Variants in SLC30A5 observed in about 807,000 individuals in gnomAD.
SLC30A5 encodes the protein proton-coupled zinc antiporter SLC30A5.
SLC30A5 carries 33 observed loss-of-function variants against 79.6 expected under a neutral mutation model. The observed-to-expected ratio is 0.41, with a 90% CI of 0.31 to 0.55. The LOEUF is 0.55. Among genes scored for constraint, SLC30A5 ranks in the 20% least tolerant of loss-of-function variants. SLC30A5 has a pLI of 0.20. For missense variants in SLC30A5, 788 were observed against 928.1 expected (o/e 0.85, Z 1.96); for synonymous variants, 299 against 319.7 (o/e 0.94, Z 0.69).
At chr5:69,125,206 A>G (rs1457467575) in intron 14 of SLC30A5, among the ~76,000 whole-genome samples, 1 of 151,854 alleles carries the variant, frequency 6.6e-6, no homozygotes, top group African/African-American at 2.4e-5. Context: ...CCTGGCCAAC[A>G]TGGTGAAAGT....
chr5:69,113,098 C>A (rs778444985), intron 5 of SLC30A5, 42 bp from the exon 6 acceptor site: 5 of 1,515,774 alleles, frequency 3.3e-6, no homozygotes, highest in East Asian at 4.5e-5. Context: ...AAAAATCAAC[C>A]CTTGAAAAAG....
rs752753197 is a variant in SLC30A5, at chr5:69,108,425, G to A, written c.436G>A (p.Gly146Arg). The stretch of plus-strand genomic sequence containing the variant: ...TGTTTTGTTCACCAGTTCTGGAGGA[G>A]GACCAGCAAAGGTAGAATTTTCCAT... Reference protein sequence around the residue: ...LSVLFTSSGGGPAKTRGAAFF... With the variant: ...LSVLFTSSGGRPAKTRGAAFF... Residue 146 changes from glycine (G) to arginine (R), a missense_variant, in exon 5 of 16, where the codon GGA (glycine) becomes AGA (arginine). Gly to Arg is a moderately radical substitution (Grantham distance 125). Coordinates refer to ENST00000396591, the MANE Select transcript of SLC30A5 (RefSeq NM_022902.5). 6 of 1,612,164 alleles carry A rather than the reference G, an allele frequency of 3.7e-6. No homozygotes were observed. The Admixed American group carries it at 8.3e-5, about 22-fold the overall frequency.
intron 1 of SLC30A5, among the ~76,000 whole-genome samples, chr5:69,097,987 G>A (rs145134528): frequency 2.0e-5 from 3 of 152,226 alleles, no homozygotes; most frequent in African/African-American, 7.2e-5. Context: ...ACGTGGAGAC[G>A]GGAGAGGAGA....
chr5:69,096,222 C>G (rs950882836), intron 1 of SLC30A5, among the ~76,000 whole-genome samples: 4 of 152,198 alleles, frequency 2.6e-5, no homozygotes, highest in African/African-American at 4.8e-5. Flanking sequence ...AAAAATACCT[C>G]TGTGTGTGCA....
At chr5:69,125,870 C>CAAAAAAGAAAAAAAAAAAAAA (rs1746670746) in intron 14 of SLC30A5, among the ~76,000 whole-genome samples, 1 of 54,232 alleles carries the variant, frequency 1.8e-5, no homozygotes, top group Non-Finnish European at 3.1e-5. Context: ...GACTCCGTCT[C>CAAAAAAGAAAAAAAAAAAAAA]AAAAAAAAAA....
In SLC30A5 at chr5:69,125,662, C is replaced by T. The variant is rs544833908; in HGVS notation, c.1998+2237C>T. ...CATCCTGGCTAACATGGTGAAACCC[C>T]GTCTCTACTAAAAAAAAATACAAAA... On this transcript the variant is annotated intron_variant, in intron 14 of 15. Coordinates refer to ENST00000396591, the MANE Select transcript of SLC30A5 (RefSeq NM_022902.5). 4.6e-5 allele frequency among the ~76,000 whole-genome samples: 7 copies of T among 151,532 alleles called. No homozygotes were observed. The South Asian group carries it at 8.3e-4, about 18-fold the overall frequency.
chr5:69,128,250 C>CTTTTTTTTTTTTTTTTTTTT (rs71612509), intron 15 of SLC30A5, 118 bp downstream of exon 15: 1 of 267,816 alleles, frequency 3.7e-6, no homozygotes, highest in Non-Finnish European at 6.3e-6. Context: ...TCTTCCAACT[C>CTTTTTTTTTTTTTTTTTTTT]TTTTTTTTTT....
chr5:69,103,909 TA>T, intron 3 of SLC30A5: 1 of 1,330,848 alleles, frequency 7.5e-7, no homozygotes. Flanking sequence ...GAACATTTTT[TA>T]AAATATGATT....
intron 12 of SLC30A5, among the ~76,000 whole-genome samples, chr5:69,121,078 A>G (rs1746521943): frequency 6.6e-6 from 1 of 152,192 alleles, no homozygotes; most frequent in Admixed American, 6.5e-5. Context: ...AGGTGAGAAG[A>G]TCGCTTGAGC....
intron 4 of SLC30A5, among the ~76,000 whole-genome samples, chr5:69,107,734 C>CTTT (rs377505223): frequency 2.2e-5 from 3 of 137,024 alleles, no homozygotes; most frequent in African/African-American, 5.4e-5. Context: ...GTTGCCTGTA[C>CTTT]TTTTTTTTTT....
intron 14 of SLC30A5, among the ~76,000 whole-genome samples, chr5:69,125,144 C>T (rs1330033118): frequency 1.3e-5 from 2 of 152,058 alleles, no homozygotes; most frequent in African/African-American, 4.8e-5. Flanking sequence ...TAATCCAGCA[C>T]TTTGGGAGGC....
At chr5:69,105,946 T>TC (rs1746070041) in intron 4 of SLC30A5, among the ~76,000 whole-genome samples, 1 of 151,728 alleles carries the variant, frequency 6.6e-6, no homozygotes, top group Non-Finnish European at 1.5e-5. Context: ...TCCTAAAACA[T>TC]CCCCCCACCA....
chr5:69,116,430 A>C lies in SLC30A5; in HGVS notation c.1109A>C (p.Gln370Pro). ...NILSSPSKRG[Q>P]KGTLIGYSPE... The stretch of plus-strand genomic sequence containing the variant: ...TTATCATCTCCCTCTAAGAGAGGAC[A>C]AAAAGGTACCCTTATTGGATATTCT... Residue 370 changes from glutamine (Q) to proline (P), a missense_variant, in exon 10 of 16, where the codon CAA becomes CCA. Physicochemically the swap from Gln to Pro is moderately conservative, Grantham distance 76. Transcript: ENST00000396591. This position sits in a 1 kb window ranked among gnomAD's most constrained non-coding sequence, Gnocchi z 4.0. 1 of 1,607,730 alleles carries C rather than the reference A, an allele frequency of 6.2e-7. No homozygotes were observed. Among genetic ancestry groups the C allele is most frequent in the Non-Finnish European group, 8.5e-7 (1 of 1,178,096 alleles).
intron 5 of SLC30A5, among the ~76,000 whole-genome samples, chr5:69,110,898 A>G (rs1746211656): frequency 6.6e-6 from 1 of 152,248 alleles, no homozygotes; most frequent in South Asian, 2.1e-4. Context: ...AAACATTTAA[A>G]AAAAAAGTTT....
intron 6 of SLC30A5, among the ~76,000 whole-genome samples, chr5:69,113,747 A>G (rs1426794036): frequency 2.0e-5 from 3 of 151,790 alleles, no homozygotes; most frequent in South Asian, 2.1e-4. Flanking sequence ...CTTTTTTTCT[A>G]TTTTCTATTC....
Position 69,104,692 on chromosome 5 carries a change from G to C in SLC30A5, c.335G>C (p.Gly112Ala). ...GCIISLLWFF[G>A]LTLCGPLRTL... ...ATTATTTCACTCTTGTGGTTTTTTGGCCTCACTCTTTGTGGACCACTAAGG... is the reference window on the plus strand; with the variant it reads ...ATTATTTCACTCTTGTGGTTTTTTGCCCTCACTCTTTGTGGACCACTAAGG... Residue 112 changes from glycine to alanine, a missense_variant, in exon 4 of 16, where the codon GGC becomes GCC. Coordinates refer to ENST00000396591, the MANE Select transcript of SLC30A5 (RefSeq NM_022902.5). 6.3e-7 allele frequency: 1 copy of C among 1,590,248 alleles called. No individual in the cohort carries two copies. The highest frequency in any genetic ancestry group is 8.5e-7 in the Non-Finnish European group (1 of 1,171,326).
chr5:69,124,997 C>A (rs899865281), intron 14 of SLC30A5, among the ~76,000 whole-genome samples: 3 of 152,284 alleles, frequency 2.0e-5, no homozygotes, highest in African/African-American at 7.2e-5. Flanking sequence ...TGGAAGATTT[C>A]ATTAACAAGT....
chr5:69,097,573 TCC>T (rs753824861), intron 1 of SLC30A5, among the ~76,000 whole-genome samples: 2 of 152,190 alleles, frequency 1.3e-5, no homozygotes, highest in Non-Finnish European at 2.9e-5. Context: ...GCTTAAGCAA[TCC>T]TTCCACCTCA....
At chr5:69,107,723 T>C (rs1423328695) in intron 4 of SLC30A5, among the ~76,000 whole-genome samples, 1 of 151,844 alleles carries the variant, frequency 6.6e-6, no homozygotes, top group East Asian at 1.9e-4. Flanking sequence ...CATGGGTATA[T>C]GTTGCCTGTA....
Sources: gnomAD v4.1 joint callset for allele counts (sites outside exome capture counted in the v4.1 genomes callset) on GRCh38, gnomAD v4.1.1 for gene constraint, Gnocchi (gnomAD v3.1) non-coding constraint, MANE v1.5 for transcripts, NCBI Gene and HGNC (gene_info 2026-07-23, HGNC 2026-07-21) for gene names.